SKA3: variants seen among roughly 807,000 people sequenced by gnomAD.
SKA3 encodes the protein spindle and kinetochore associated complex subunit 3.
In SKA3, 39 loss-of-function variants were observed where a neutral mutation model predicts 44.2. That is an observed-to-expected ratio of 0.88 (90% CI 0.68 to 1.15). SKA3 has a LOEUF of 1.15. Ranked by LOEUF, SKA3 falls within the 50% of genes most tolerant of loss-of-function variation. The pLI, the probability that SKA3 is intolerant of heterozygous loss-of-function variation, is 0.00. For synonymous variants in SKA3, 192 were observed against 172.0 expected, an observed-to-expected ratio of 1.12 and a Z score of -0.91; for missense variants, 511 against 485.8, an observed-to-expected ratio of 1.05 and a Z score of -0.49.
chr13:21,169,824 G>A (rs1402927986), intron 3 of SKA3, among the ~76,000 whole-genome samples: 1 of 152,090 alleles, frequency 6.6e-6, no homozygotes, highest in Non-Finnish European at 1.5e-5. Flanking sequence ...TTTTTGTAGA[G>A]ATAGGGTTTC....
chr13:21,161,167 C>T (rs192419419), intron 5 of SKA3, among the ~76,000 whole-genome samples: 58 of 152,108 alleles, frequency 3.8e-4, no homozygotes, highest in African/African-American at 1.3e-3. Context: ...CCTATAGTCT[C>T]GGATACTTGA....
At position 21,176,497 on chromosome 13, in the gene SKA3, G is replaced by A; in HGVS notation, c.-20C>T. ...GTCCATGCTGAGCACAGCGGGGAAG[G>A]ACTCCAGGCGTACGCAGACCCCACC... On this transcript the variant is annotated 5_prime_UTR_variant, in exon 1 of 9. Coordinates refer to ENST00000314759, the MANE Select transcript of SKA3 (RefSeq NM_145061.6). The A allele has an allele frequency of 6.7e-7, 1 of 1,485,412 alleles. No homozygotes were observed. Among genetic ancestry groups the A allele is most frequent in the South Asian group, 1.3e-5 (1 of 77,382 alleles). The allele number at this position is 1,485,412 out of a possible 1,614,324, so 92.0% of individuals were successfully genotyped here. A position where few individuals can be genotyped will look rare whatever the true frequency, so the allele number is the denominator to read the frequency against.
chr13:21,175,054 G>A (rs976616086), intron 1 of SKA3, among the ~76,000 whole-genome samples: 5 of 152,072 alleles, frequency 3.3e-5, no homozygotes, highest in Non-Finnish European at 7.4e-5. Context: ...TCGGGTCACT[G>A]CAACCTCCGC....
rs1871525513 is a variant in SKA3, at chr13:21,176,356, G to A, written c.103+19C>T. 2 of 1,542,814 alleles carry A rather than the reference G, an allele frequency of 1.3e-6. No homozygotes were observed. Among genetic ancestry groups the A allele is most frequent in the Admixed American group, 2.0e-5 (1 of 50,710 alleles). Reference sequence around the variant, plus strand: ...CGGCGCACCCCACGCACCGTGCCCTGGCCGCCCGCCTCACGCACCGCTTTC... The same window carrying A: ...CGGCGCACCCCACGCACCGTGCCCTAGCCGCCCGCCTCACGCACCGCTTTC... On this transcript the variant is annotated intron_variant, in intron 1 of 8. Transcript: ENST00000314759.
intron 7 of SKA3, 62 bp from the exon 8 acceptor site, chr13:21,155,873 G>T: frequency 1.2e-6 from 1 of 844,096 alleles, no homozygotes; most frequent in Non-Finnish European, 1.8e-6. Context: ...CCTAAATTTG[G>T]AAGAAGTTAC....
In SKA3 at chr13:21,158,963, A is replaced by G. The variant is rs111710161; in HGVS notation, c.916-838T>C. On this transcript the variant is annotated intron_variant, in intron 6 of 8. Coordinates refer to ENST00000314759, the MANE Select transcript of SKA3 (RefSeq NM_145061.6). ...AGTAGATGAATTGTAAATGGCAGGT[A>G]CTAACAGGCAGATAACCTGATACTT... 7.4e-3 allele frequency among the ~76,000 whole-genome samples: 1,123 copies of G among 152,300 alleles called. 10 individuals are homozygous for G. The highest frequency in any genetic ancestry group is 0.026 in the African/African-American group (1,062 of 41,550).
At position 21,174,705 on chromosome 13, in the gene SKA3, A is replaced by C. The variant is rs9552384; in HGVS notation, c.103+1670T>G. Among the ~76,000 whole-genome samples, 957 of 151,958 alleles carry C rather than the reference A, an allele frequency of 6.3e-3. 34 individuals carry two copies. Among genetic ancestry groups the C allele is most frequent in the Admixed American group, 0.045 (686 of 15,244 alleles). Reference sequence around the variant, plus strand: ...TGTAAGAAACCTGCACGTTGTGCACATGTACCCTAGAACTTAAAAGTATAA... The same window carrying C: ...TGTAAGAAACCTGCACGTTGTGCACCTGTACCCTAGAACTTAAAAGTATAA... On this transcript the variant is annotated intron_variant, in intron 1 of 8. Transcript: ENST00000314759.
chr13:21,161,900 C>T, intron 4 of SKA3, 25 bp from the exon 5 acceptor site: 1 of 1,154,944 alleles, frequency 8.7e-7, no homozygotes, highest in Non-Finnish European at 1.2e-6. Context: ...AGGGAAATTA[C>T]AAGGTTAAAA....
chr13:21,173,077 T>C (rs1362949262), intron 1 of SKA3, among the ~76,000 whole-genome samples: 1 of 152,174 alleles, frequency 6.6e-6, no homozygotes, highest in Non-Finnish European at 1.5e-5. Context: ...AACATGACTG[T>C]ATAACATACA....
chr13:21,175,844 C>G (rs977043365), intron 1 of SKA3, among the ~76,000 whole-genome samples: 10 of 152,094 alleles, frequency 6.6e-5, no homozygotes, highest in Non-Finnish European at 1.5e-4. Context: ...GGGAAAAACA[C>G]AGAGGTTTAC....
rs771113417 is a variant in SKA3, at chr13:21,168,309, G to A, written c.422C>T (p.Pro141Leu). ...AGAAATACAACTGCTTGCAACAGGA[G>A]GATCAGACAGATCATCTTTCACATC... ...KTDVKDDLSDPPVASSCISEK... is the reference protein window; with the variant it reads ...KTDVKDDLSDLPVASSCISEK... Residue 141 changes from proline (P) to leucine (L), a missense_variant, in exon 4 of 9, where the codon CCT (proline) becomes CTT (leucine). Coordinates refer to ENST00000314759, the MANE Select transcript of SKA3 (RefSeq NM_145061.6). The A allele has an allele frequency of 1.2e-6, 2 of 1,614,120 alleles. No individual in the cohort carries two copies. The highest frequency in any genetic ancestry group is 1.7e-6 in the Non-Finnish European group (2 of 1,180,030).
chr13:21,164,047 AG>A (rs1351955186), intron 4 of SKA3, among the ~76,000 whole-genome samples: 1 of 151,898 alleles, frequency 6.6e-6, no homozygotes, highest in Non-Finnish European at 1.5e-5. Context: ...TACAGGCATG[AG>A]CCACCACGCC....
chr13:21,155,002 AT>A lies in SKA3; in HGVS notation c.*147del. 9 of 1,287,874 alleles carry A rather than the reference AT, an allele frequency of 7.0e-6. No homozygotes were observed. The highest frequency in any genetic ancestry group is 9.9e-6 in the Non-Finnish European group (9 of 911,464). 79.8% of individuals were successfully genotyped at this position (1,287,874 alleles called of 1,614,324 possible). ...CTTATTGAAACTTCATAAAAAGCAT[AT>A]TATGATGTTAATGTTCATGTTTGTC... On this transcript the variant is annotated 3_prime_UTR_variant, in exon 9 of 9. Transcript: ENST00000314759.
At chr13:21,157,267 G>T (rs1870162812) in intron 7 of SKA3, among the ~76,000 whole-genome samples, 1 of 152,152 alleles carries the variant, frequency 6.6e-6, no homozygotes, top group Non-Finnish European at 1.5e-5. Flanking sequence ...TAACAATAGG[G>T]ATACATTCTG....
chr13:21,166,841 ACT>A (rs1870738177), intron 4 of SKA3, among the ~76,000 whole-genome samples: 1 of 151,610 alleles, frequency 6.6e-6, no homozygotes, highest in African/African-American at 2.4e-5. Flanking sequence ...TATCAATTCT[ACT>A]CTTTTAAAAA....
At chr13:21,171,869 C>T (rs1034828458) in intron 3 of SKA3, among the ~76,000 whole-genome samples, 1 of 152,116 alleles carries the variant, frequency 6.6e-6, no homozygotes, top group Non-Finnish European at 1.5e-5. Flanking sequence ...TGATAGAATG[C>T]CCTTCATTAA....
chr13:21,155,813 T>TGGAGAATATCTTCTGG lies in SKA3; in HGVS notation c.1120-3_1120-2insCCAGAAGATATTCTCC. 1.2e-5 allele frequency: 14 copies of TGGAGAATATCTTCTGG among 1,123,116 alleles called. No individual in the cohort carries two copies. Among genetic ancestry groups the TGGAGAATATCTTCTGG allele is most frequent in the Non-Finnish European group, 1.7e-5 (13 of 773,274 alleles). The allele number at this position is 1,123,116 out of a possible 1,614,324, so 69.6% of individuals were successfully genotyped here. A position where few individuals can be genotyped will look rare whatever the true frequency, so the allele number is the denominator to read the frequency against. The stretch of plus-strand genomic sequence containing the variant: ...GTTTGAGTTGTATTTTGATAAAAGC[T>TGGAGAATATCTTCTGG]AAAAAAAAAAAAGGAAATTCCTTTT... On this transcript the variant is annotated splice_polypyrimidine_tract_variant and splice_region_variant and intron_variant, in intron 7 of 8. Coordinates refer to ENST00000314759, the MANE Select transcript of SKA3 (RefSeq NM_145061.6).
At chr13:21,161,693 A>C (rs1241032870) in intron 5 of SKA3, 97 bp downstream of exon 5, 2 of 629,318 alleles carry the variant, frequency 3.2e-6, no homozygotes, top group Non-Finnish European at 2.4e-6. Flanking sequence ...AAACAGATGA[A>C]GAAAACTATT....
At chr13:21,160,158 C>T (rs1354624782) in intron 5 of SKA3, among the ~76,000 whole-genome samples, 171 bp from the exon 6 acceptor site, 1 of 152,058 alleles carries the variant, frequency 6.6e-6, no homozygotes, top group Non-Finnish European at 1.5e-5. Context: ...ATATATTAAA[C>T]ATAAAAGCAA....
Sources: allele counts gnomAD v4.1 joint callset (sites outside exome capture counted in the v4.1 genomes callset), GRCh38; gene constraint gnomAD v4.1.1; transcripts MANE v1.5; gene names NCBI Gene and HGNC (gene_info 2026-07-23, HGNC 2026-07-21).